Variants in LYSMD3 observed in about 807,000 individuals in gnomAD.
LYSMD3 encodes LysM domain containing 3.
A neutral mutation model predicts 26.1 loss-of-function variants in LYSMD3; 13 were observed. The ratio of observed to expected loss-of-function variants is 0.50; its 90% CI spans 0.32 to 0.79. The LOEUF (loss-of-function observed/expected upper bound fraction) is 0.79, where lower values mean the gene tolerates loss of function less well. Among genes scored for constraint, LYSMD3 ranks in the 30% least tolerant of loss-of-function variants. The pLI, the probability that LYSMD3 is intolerant of heterozygous loss-of-function variation, is 0.03. For synonymous variants in LYSMD3, 109 were observed against 119.4 expected (o/e 0.91, Z 0.57); for missense variants, 331 against 362.5 (o/e 0.91, Z 0.71).
chr5:90,520,544 C>G, intron 2 of LYSMD3: 1 of 455,750 alleles, frequency 2.2e-6, no homozygotes, highest in East Asian at 6.9e-5. Flanking sequence ...GGAAGATGTT[C>G]AGGACAGAGT....
chr5:90,522,302 T>A (rs1355281107), intron 2 of LYSMD3, among the ~76,000 whole-genome samples: 1 of 152,228 alleles, frequency 6.6e-6, no homozygotes, highest in African/African-American at 2.4e-5. Context: ...GCTGCCTGCT[T>A]ATGTACAACC....
Position 90,517,621 on chromosome 5 carries a change from T to C in LYSMD3, c.*1198A>G, listed in dbSNP as rs1752980341. 1.3e-5 allele frequency: 2 copies of C among 152,070 alleles called. No individual in the cohort carries two copies. Among genetic ancestry groups the C allele is most frequent in the South Asian group, 2.1e-4 (1 of 4,836 alleles). The allele number at this position is 152,070 out of a possible 1,614,324, so 9.4% of individuals were successfully genotyped here. A position where few individuals can be genotyped will look rare whatever the true frequency, so the allele number is the denominator to read the frequency against. On this transcript the variant is annotated 3_prime_UTR_variant, in exon 3 of 3. Coordinates refer to ENST00000315948, the MANE Select transcript of LYSMD3 (RefSeq NM_198273.2). ...CAATCTATACACCTTTGGCCTTTGT[T>C]TCCCAATTTGATGCTATATATAGAG...
Position 90,519,487 on chromosome 5 carries a change from G to GT in LYSMD3, c.256-4dup, listed in dbSNP as rs768395682. The GT allele has an allele frequency of 5.8e-6, 9 of 1,549,084 alleles. No individual in the cohort carries two copies. The Admixed American group carries it at 1.3e-4, about 22-fold the overall frequency. ...TTAACTCTCTTGATATCTGCTACCT[G>GT]TGGGGGGGAAAAAAAAGCAACATAC... On this transcript the variant is annotated splice_polypyrimidine_tract_variant and splice_region_variant and intron_variant, in intron 2 of 2. Coordinates refer to ENST00000315948, the MANE Select transcript of LYSMD3 (RefSeq NM_198273.2).
At position 90,516,958 on chromosome 5, in the gene LYSMD3, AC is replaced by A. The variant is rs1206913734; in HGVS notation, c.*1860del. The A allele has an allele frequency of 6.6e-6, 1 of 152,484 alleles. No homozygotes were observed. The highest frequency in any genetic ancestry group is 1.9e-4 in the East Asian group (1 of 5,196). 9.4% of individuals were successfully genotyped at this position (152,484 alleles called of 1,614,324 possible). A position where few individuals can be genotyped will look rare whatever the true frequency, so the allele number is the denominator to read the frequency against. On this transcript the variant is annotated 3_prime_UTR_variant, in exon 3 of 3. Transcript: ENST00000315948. ...ATGTAAACAAAGTTCTTCAAAGGAC[AC>A]CTGGCCTGTTTACCCTAAAATAATC...
At chr5:90,522,773 ATAGTCTG>A (rs36106132) in intron 2 of LYSMD3, among the ~76,000 whole-genome samples, 26,490 of 152,004 alleles carry the variant, frequency 0.17, 2,557 homozygotes, top group East Asian at 0.32. Flanking sequence ...TTCATCCCAA[ATAGTCTG>A]TGCCACTCAC....
At chr5:90,520,881 T>C (rs1273024622) in intron 2 of LYSMD3, among the ~76,000 whole-genome samples, 2 of 151,050 alleles carry the variant, frequency 1.3e-5, no homozygotes, top group Admixed American at 1.3e-4. Flanking sequence ...ATTGTGCCAC[T>C]GCACTCCAGC....
chr5:90,529,055 T>C (rs1389265782), intron 1 of LYSMD3, among the ~76,000 whole-genome samples: 1 of 152,240 alleles, frequency 6.6e-6, no homozygotes, highest in Non-Finnish European at 1.5e-5. Context: ...TTTCTTTCCC[T>C]GCTATCGTCA....
At chr5:90,529,160 G>A (rs1323543595) in intron 1 of LYSMD3, among the ~76,000 whole-genome samples, 1 of 152,232 alleles carries the variant, frequency 6.6e-6, no homozygotes, top group Non-Finnish European at 1.5e-5. Context: ...ACATAAAGTC[G>A]TGGGAGAAAT....
chr5:90,521,486 G>T (rs568896357), intron 2 of LYSMD3, among the ~76,000 whole-genome samples: 1 of 152,098 alleles, frequency 6.6e-6, no homozygotes, highest in South Asian at 2.1e-4. Flanking sequence ...CAATGTATGT[G>T]TGGGGGGATT....
In LYSMD3 at chr5:90,529,579, G is replaced by C. The variant is rs1753316862; in HGVS notation, c.-143C>G. The C allele has an allele frequency of 8.8e-6, 4 of 455,798 alleles. No homozygotes were observed. The highest frequency in any genetic ancestry group is 4.4e-6 in the Non-Finnish European group (1 of 226,572). 28.2% of individuals were successfully genotyped at this position (455,798 alleles called of 1,614,324 possible). A position where few individuals can be genotyped will look rare whatever the true frequency, so the allele number is the denominator to read the frequency against. On this transcript the variant is annotated 5_prime_UTR_variant, in exon 1 of 3. Transcript: ENST00000315948. ...GTCCGCCTCCGCCTCTGCCGCCAACGTCTCCGCCTTCCGGGCCGTACGCCG... is the reference window on the plus strand; with the variant it reads ...GTCCGCCTCCGCCTCTGCCGCCAACCTCTCCGCCTTCCGGGCCGTACGCCG...
At position 90,520,531 on chromosome 5, in the gene LYSMD3, A is replaced by G. The variant is rs77488795; in HGVS notation, c.256-1047T>C. 2,475 of 456,162 alleles carry G rather than the reference A, an allele frequency of 5.4e-3. 46 individuals are homozygous for G. The highest frequency in any genetic ancestry group is 0.045 in the African/African-American group (2,270 of 50,168). 28.3% of individuals were successfully genotyped at this position (456,162 alleles called of 1,614,324 possible). ...GACTTGGAGCTGCTTGAGATACAGA[A>G]GTGGAAGATGTTCAGGACAGAGTTG... On this transcript the variant is annotated intron_variant, in intron 2 of 2. Coordinates refer to ENST00000315948, the MANE Select transcript of LYSMD3 (RefSeq NM_198273.2).
intron 2 of LYSMD3, among the ~76,000 whole-genome samples, chr5:90,524,738 C>A (rs931633190): frequency 6.6e-6 from 1 of 152,124 alleles, no homozygotes; most frequent in African/African-American, 2.4e-5. Flanking sequence ...ACTACAGGCG[C>A]CTGCCAACAC....
intron 2 of LYSMD3, among the ~76,000 whole-genome samples, chr5:90,523,834 A>T (rs924853510): frequency 2.6e-5 from 4 of 152,196 alleles, no homozygotes. Context: ...TCAAAATTCT[A>T]TTGGGAGTAT....
intron 1 of LYSMD3, among the ~76,000 whole-genome samples, chr5:90,526,134 T>C (rs1753218177): frequency 6.6e-6 from 1 of 152,220 alleles, no homozygotes; most frequent in Non-Finnish European, 1.5e-5. Context: ...CATTTCAACT[T>C]CATTCAGGAT....
chr5:90,525,779 G>A (rs1753209242), intron 1 of LYSMD3, among the ~76,000 whole-genome samples: 1 of 152,142 alleles, frequency 6.6e-6, no homozygotes, highest in African/African-American at 2.4e-5. Flanking sequence ...TGTTAAAGTA[G>A]AACAAACGTA....
At position 90,525,128 on chromosome 5, in the gene LYSMD3, T is replaced by A; in HGVS notation, c.162A>T (p.Thr54=). 1 of 1,614,096 alleles carries A rather than the reference T, an allele frequency of 6.2e-7. No individual in the cohort carries two copies. Among genetic ancestry groups the A allele is most frequent in the Non-Finnish European group, 8.5e-7 (1 of 1,179,944 alleles). ...SRGKEKVRRS[T]SRDRLDDIIV... ...TAATGTCGTCAAGTCTATCTCTTGA[T>A]GTACTTCTTCGGACTTTCTCTTTTC... The change falls in exon 2 of 3, where the codon ACA becomes ACT. Residue 54 remains threonine, a synonymous_variant. Transcript: ENST00000315948.
At chr5:90,525,601 C>G (rs1753205379) in intron 1 of LYSMD3, among the ~76,000 whole-genome samples, 1 of 152,068 alleles carries the variant, frequency 6.6e-6, no homozygotes, top group African/African-American at 2.4e-5. Flanking sequence ...AGGCGCCCAC[C>G]ACTACGCCCA....
intron 1 of LYSMD3, among the ~76,000 whole-genome samples, chr5:90,525,561 T>C (rs1275417357): frequency 6.6e-6 from 1 of 152,168 alleles, no homozygotes; most frequent in Non-Finnish European, 1.5e-5. Context: ...GTGATTCTCC[T>C]GTTTCAGTCT....
In LYSMD3 at chr5:90,517,515, A is replaced by T. The variant is rs1752978014; in HGVS notation, c.*1304T>A. On this transcript the variant is annotated 3_prime_UTR_variant, in exon 3 of 3. Coordinates refer to ENST00000315948, the MANE Select transcript of LYSMD3 (RefSeq NM_198273.2). ...CTTTTAAAGATTAAATGATGGAATCAGTATGCAAATGCTTCTTACTTAGCC... is the reference window on the plus strand; with the variant it reads ...CTTTTAAAGATTAAATGATGGAATCTGTATGCAAATGCTTCTTACTTAGCC... 1 of 152,002 alleles carries T rather than the reference A, an allele frequency of 6.6e-6. No homozygotes were observed. The highest frequency in any genetic ancestry group is 2.1e-4 in the South Asian group (1 of 4,826). 9.4% of individuals were successfully genotyped at this position (152,002 alleles called of 1,614,324 possible). A position where few individuals can be genotyped will look rare whatever the true frequency, so the allele number is the denominator to read the frequency against.
Sources: allele counts gnomAD v4.1 joint callset (sites outside exome capture counted in the v4.1 genomes callset), GRCh38; gene constraint gnomAD v4.1.1; transcripts MANE v1.5; gene names NCBI Gene and HGNC (gene_info 2026-07-23, HGNC 2026-07-21).